Variants in ZNF609 observed in about 807,000 individuals in gnomAD.
ZNF609 encodes zinc finger protein 609.
In ZNF609, 11 loss-of-function variants were observed where a neutral mutation model predicts 109.5. That is an observed-to-expected ratio of 0.10 (90% CI 0.06 to 0.17). ZNF609 has a LOEUF of 0.17. Ranked by LOEUF, ZNF609 falls within the 10% of genes least tolerant of loss-of-function variation. ZNF609 has a pLI of 1.00. For missense variants in ZNF609, 1,559 were observed against 1,772.4 expected, an observed-to-expected ratio of 0.88 and a Z score of 2.16; for synonymous variants, 646 against 662.0, an observed-to-expected ratio of 0.98 and a Z score of 0.37.
At chr15:64,482,857 T>C (rs73452250) in intron 1 of ZNF609, among the ~76,000 whole-genome samples, 8,452 of 152,166 alleles carry the variant, frequency 0.056, 799 homozygotes, top group African/African-American at 0.19. Flanking sequence ...GAAAATTGTT[T>C]TGTTGTGAAT....
intron 3 of ZNF609, among the ~76,000 whole-genome samples, chr15:64,654,916 G>A (rs1266681157): frequency 6.6e-6 from 1 of 151,878 alleles, no homozygotes; most frequent in Non-Finnish European, 1.5e-5. Flanking sequence ...CTAACACGGT[G>A]AAACCCTGTC....
At position 64,634,885 on chromosome 15, in the gene ZNF609, C is replaced by T. The variant is rs1377320683; in HGVS notation, c.973+11833C>T. 2.0e-5 allele frequency among the ~76,000 whole-genome samples: 3 copies of T among 152,140 alleles called. 1 individual carries two copies. The South Asian group carries it at 6.2e-4, about 32-fold the overall frequency. ...AATCAGTACCTACTTTCTCCCACCC[C>T]TCCCCCACCAAAAACAACAGCCAAC... On this transcript the variant is annotated intron_variant, in intron 3 of 9. Coordinates refer to ENST00000326648, the MANE Select transcript of ZNF609 (RefSeq NM_015042.2).
At chr15:64,572,759 G>T (rs1894877521) in intron 2 of ZNF609, among the ~76,000 whole-genome samples, 2 of 152,132 alleles carry the variant, frequency 1.3e-5, no homozygotes, top group African/African-American at 2.4e-5. Context: ...CGGGCATGGT[G>T]GCACATGCCT....
intron 9 of ZNF609, 40 bp downstream of exon 9, chr15:64,681,427 G>A (rs768144370): frequency 2.7e-5 from 41 of 1,534,982 alleles, no homozygotes; most frequent in Middle Eastern, 1.7e-4. Context: ...ACATAAAGCC[G>A]GGATAGTTGC....
At chr15:64,525,241 A>G (rs912263109) in intron 2 of ZNF609, among the ~76,000 whole-genome samples, 2 of 152,098 alleles carry the variant, frequency 1.3e-5, no homozygotes, top group Non-Finnish European at 2.9e-5. Flanking sequence ...ATCCATTTTG[A>G]GTTAATTTTT....
chr15:64,475,507 G>T (rs1025025360), intron 1 of ZNF609, among the ~76,000 whole-genome samples: 2 of 147,820 alleles, frequency 1.4e-5, no homozygotes, highest in African/African-American at 5.0e-5. Context: ...TCCTGCCTCA[G>T]CCTCCCGAGT....
At chr15:64,510,655 A>G (rs941392051) in intron 2 of ZNF609, among the ~76,000 whole-genome samples, 4 of 152,172 alleles carry the variant, frequency 2.6e-5, no homozygotes, top group Non-Finnish European at 4.4e-5. Context: ...TTTTGAATGT[A>G]TGTCTTGTGC....
chr15:64,677,060 T>C (rs1276709978), intron 5 of ZNF609, among the ~76,000 whole-genome samples: 1 of 151,934 alleles, frequency 6.6e-6, no homozygotes, highest in Non-Finnish European at 1.5e-5. Context: ...TCGTAATTTT[T>C]TTTATTTTTA....
intron 2 of ZNF609, among the ~76,000 whole-genome samples, chr15:64,622,085 T>C (rs4777488): frequency 0.26 from 38,984 of 152,084 alleles, 6,375 homozygotes; most frequent in Admixed American, 0.43. Flanking sequence ...CTGCTGTTGA[T>C]TGGCTTCTGG....
intron 3 of ZNF609, among the ~76,000 whole-genome samples, chr15:64,623,513 C>A (rs1895909453): frequency 6.6e-6 from 1 of 152,148 alleles, no homozygotes; most frequent in African/African-American, 2.4e-5. Context: ...TAGGTACAGC[C>A]AGTTCACTCT....
chr15:64,591,078 A>G (rs1895287125), intron 2 of ZNF609, among the ~76,000 whole-genome samples: 2 of 152,154 alleles, frequency 1.3e-5, no homozygotes, highest in Non-Finnish European at 2.9e-5. Flanking sequence ...TTATGCATGT[A>G]ATCCCAGCAC....
chr15:64,606,745 G>A (rs1423565651), intron 2 of ZNF609, among the ~76,000 whole-genome samples: 1 of 152,080 alleles, frequency 6.6e-6, no homozygotes, highest in Non-Finnish European at 1.5e-5. Flanking sequence ...GGTTACATCA[G>A]TAATACCAGC....
intron 3 of ZNF609, among the ~76,000 whole-genome samples, chr15:64,635,147 A>G (rs374861071): frequency 6.6e-5 from 10 of 152,162 alleles, no homozygotes; most frequent in Admixed American, 2.0e-4. Flanking sequence ...CCCTCCCCCA[A>G]GCAAAGCACA....
chr15:64,608,592 G>A (rs1255889529), intron 2 of ZNF609, among the ~76,000 whole-genome samples: 2 of 152,128 alleles, frequency 1.3e-5, no homozygotes, highest in African/African-American at 2.4e-5. Flanking sequence ...GATCTCTTGT[G>A]TTGACTATTT....
chr15:64,648,711 T>C (rs1252971283), intron 3 of ZNF609, among the ~76,000 whole-genome samples: 1 of 147,836 alleles, frequency 6.8e-6, no homozygotes, highest in African/African-American at 2.5e-5. Context: ...GTTGTATGCA[T>C]TATTGGAAAT....
intron 3 of ZNF609, among the ~76,000 whole-genome samples, chr15:64,628,704 C>A (rs1272629111): frequency 6.6e-6 from 1 of 152,146 alleles, no homozygotes; most frequent in Non-Finnish European, 1.5e-5. Flanking sequence ...CGGCTCACTG[C>A]AACCTCCACC....
In ZNF609 at chr15:64,577,029, T is replaced by TATATTTATATATACACATAA; in HGVS notation, c.748-45794_748-45793insTTATATATACACATAAATAT. ...ATATGTATGTATACACATAAATATA[T>TATATTTATATATACACATAA]ATATGTATATATACACATAAATATA... On this transcript the variant is annotated intron_variant, in intron 2 of 9. Coordinates refer to ENST00000326648, the MANE Select transcript of ZNF609 (RefSeq NM_015042.2). Among the ~76,000 whole-genome samples the TATATTTATATATACACATAA allele has an allele frequency of 1.5e-5, 2 of 134,206 alleles. 1 individual carries two copies. Among genetic ancestry groups the TATATTTATATATACACATAA allele is most frequent in the African/African-American group, 5.5e-5 (2 of 36,444 alleles). The allele number at this position is 134,206 out of a possible 152,430, so 88.0% of individuals were successfully genotyped here. A position where few individuals can be genotyped will look rare whatever the true frequency, so the allele number is the denominator to read the frequency against.
chr15:64,556,674 G>A (rs1180884138), intron 2 of ZNF609, among the ~76,000 whole-genome samples: 1 of 152,094 alleles, frequency 6.6e-6, no homozygotes, highest in African/African-American at 2.4e-5. Flanking sequence ...TAATGCCAGT[G>A]TATTTAGTCT....
intron 1 of ZNF609, among the ~76,000 whole-genome samples, chr15:64,497,630 G>A (rs980198856): frequency 6.6e-6 from 1 of 151,988 alleles, no homozygotes. Flanking sequence ...GGCTGGACAC[G>A]GTGGCTCATA....
Sources: gnomAD v4.1 joint callset for allele counts (sites outside exome capture counted in the v4.1 genomes callset) on GRCh38, gnomAD v4.1.1 for gene constraint, MANE v1.5 for transcripts, NCBI Gene and HGNC (gene_info 2026-07-23, HGNC 2026-07-21) for gene names.